Variants in STK33 observed in about 807,000 individuals in gnomAD.
STK33 encodes serine/threonine-protein kinase 33.
Under a neutral mutation model 58.0 loss-of-function variants are expected in STK33, and 52 were observed. The ratio of observed to expected loss-of-function variants is 0.90; its 90% CI spans 0.72 to 1.13. The LOEUF (loss-of-function observed/expected upper bound fraction) is 1.13. Ranked by LOEUF, STK33 falls within the 50% of genes most tolerant of loss-of-function variation. STK33 has a pLI of 0.00. For synonymous variants in STK33, 215 were observed against 200.1 expected (o/e 1.07, Z -0.63); for missense variants, 630 against 604.2 (o/e 1.04, Z -0.45).
chr11:8,401,841 C>A (rs563309635), intron 15 of STK33, among the ~76,000 whole-genome samples: 2 of 151,834 alleles, frequency 1.3e-5, no homozygotes, highest in Admixed American at 6.6e-5. Context: ...AAGACATTTA[C>A]GCAGCCAAAA....
chr11:8,447,402 A>G (rs1945638573), intron 11 of STK33, among the ~76,000 whole-genome samples: 1 of 152,176 alleles, frequency 6.6e-6, no homozygotes, highest in South Asian at 2.1e-4. Context: ...ATACTGGCAA[A>G]CCAAATCCAG....
chr11:8,520,948 A>G (rs2139813441), intron 1 of STK33, among the ~76,000 whole-genome samples: 1 of 151,880 alleles, frequency 6.6e-6, no homozygotes. Flanking sequence ...TAATAAATGA[A>G]ATGATTTCTA....
At chr11:8,398,518 T>C (rs1016150994) in intron 15 of STK33, among the ~76,000 whole-genome samples, 1 of 152,028 alleles carries the variant, frequency 6.6e-6, no homozygotes, top group Admixed American at 6.5e-5. Context: ...TGCCAAATTG[T>C]AAAGACCATC....
chr11:8,518,170 G>C lies in STK33; in HGVS notation c.-465-37556C>G, dbSNP rs556627391. Among the ~76,000 whole-genome samples, 914 of 152,310 alleles carry C rather than the reference G, an allele frequency of 6.0e-3. 11 individuals are homozygous for C. The highest frequency in any genetic ancestry group is 0.021 in the African/African-American group (871 of 41,558). Reference sequence around the variant, plus strand: ...GGCAGAAACTCTACAAGCCAGAAGAGAGTGGGGGCAAATATTCAACATTCT... The same window carrying C: ...GGCAGAAACTCTACAAGCCAGAAGACAGTGGGGGCAAATATTCAACATTCT... On this transcript the variant is annotated intron_variant, in intron 1 of 15. Transcript: ENST00000687296.
intron 1 of STK33, among the ~76,000 whole-genome samples, chr11:8,499,602 C>A (rs2139060583): frequency 6.6e-6 from 1 of 152,270 alleles, no homozygotes; most frequent in Non-Finnish European, 1.5e-5. Context: ...AATCACGCTA[C>A]TATAAAGACA....
chr11:8,476,437 C>A (rs1214202296), intron 4 of STK33, among the ~76,000 whole-genome samples: 1 of 152,138 alleles, frequency 6.6e-6, no homozygotes. Context: ...CCCAAATAAA[C>A]GTACTCTTCA....
chr11:8,517,295 A>G (rs576371376), intron 1 of STK33, among the ~76,000 whole-genome samples: 8 of 152,320 alleles, frequency 5.3e-5, no homozygotes, highest in African/African-American at 1.9e-4. Flanking sequence ...GAAAACTAAC[A>G]AACAGAAAGG....
At chr11:8,489,277 A>C (rs920825082) in intron 1 of STK33, among the ~76,000 whole-genome samples, 6 of 150,888 alleles carry the variant, frequency 4.0e-5, no homozygotes, top group African/African-American at 9.7e-5. Flanking sequence ...AAAAAGAAAA[A>C]AAAAAAGAAA....
the STK33 span, among the ~76,000 whole-genome samples, chr11:8,374,174 C>G: frequency 6.6e-6 from 1 of 152,296 alleles, no homozygotes; most frequent in African/African-American, 2.4e-5. Flanking sequence ...ATGCTTCTCT[C>G]TGTGCCACTG....
At chr11:8,440,990 G>C (rs1944673126) in intron 11 of STK33, among the ~76,000 whole-genome samples, 1 of 152,136 alleles carries the variant, frequency 6.6e-6, no homozygotes, top group African/African-American at 2.4e-5. Flanking sequence ...ATAACTAAAT[G>C]CACTACCCTT....
At chr11:8,425,980 T>C (rs1292859373) in intron 14 of STK33, among the ~76,000 whole-genome samples, 1 of 152,182 alleles carries the variant, frequency 6.6e-6, no homozygotes, top group Non-Finnish European at 1.5e-5. Context: ...GGGTGTGTGT[T>C]ACAGGGTGTT....
chr11:8,410,455 AT>A (rs1234296167), intron 15 of STK33, among the ~76,000 whole-genome samples: 1 of 129,714 alleles, frequency 7.7e-6, no homozygotes, highest in African/African-American at 2.9e-5. Context: ...GCAAAAATCT[AT>A]TTTCTTTTCT....
At chr11:8,365,668 G>A in the STK33 span, among the ~76,000 whole-genome samples, 358 of 152,116 alleles carry the variant, frequency 2.4e-3, no homozygotes, top group African/African-American at 8.2e-3. Context: ...CCCAGCTCCC[G>A]GCTGCAGGGC....
At chr11:8,393,213 T>C (rs948728428) in intron 15 of STK33, among the ~76,000 whole-genome samples, 6 of 152,226 alleles carry the variant, frequency 3.9e-5, no homozygotes, top group Non-Finnish European at 7.3e-5. Flanking sequence ...GGCAGGCCTG[T>C]AGACCTCTTT....
intron 14 of STK33, among the ~76,000 whole-genome samples, chr11:8,423,606 T>C (rs962573688): frequency 1.3e-5 from 2 of 152,114 alleles, no homozygotes; most frequent in Non-Finnish European, 2.9e-5. Context: ...GTTAACTTTA[T>C]TAAGGCTTCC....
intron 1 of STK33, among the ~76,000 whole-genome samples, chr11:8,519,911 G>C (rs1200302404): frequency 6.6e-6 from 1 of 152,068 alleles, no homozygotes; most frequent in Non-Finnish European, 1.5e-5. Context: ...TTCTACCAGA[G>C]GTACAAAGAG....
At chr11:8,435,466 G>A in intron 14 of STK33, 28 bp downstream of exon 14, 1 of 1,248,360 alleles carries the variant, frequency 8.0e-7, no homozygotes, top group Non-Finnish European at 1.1e-6. Context: ...TAGCATGTCA[G>A]AAAGAAAAAA....
In STK33 at chr11:8,566,214, C is replaced by T. The variant is rs376984275; in HGVS notation, c.-466+27869G>A. Among the ~76,000 whole-genome samples, 9 of 152,294 alleles carry T rather than the reference C, an allele frequency of 5.9e-5. No homozygotes were observed. The East Asian group carries it at 7.7e-4, about 13-fold the overall frequency. On this transcript the variant is annotated intron_variant, in intron 1 of 15. Transcript: ENST00000687296. ...ACTGCATTTACAAGCAAAGAAGTTA[C>T]CTCAAAATGCAGCTTCTAAATAGAC...
chr11:8,430,638 C>T (rs1333448514), intron 14 of STK33, among the ~76,000 whole-genome samples: 1 of 152,118 alleles, frequency 6.6e-6, no homozygotes, highest in Non-Finnish European at 1.5e-5. Context: ...TGTTGTAGTA[C>T]ATTTACATCC....
Sources: allele counts gnomAD v4.1 joint callset (sites outside exome capture counted in the v4.1 genomes callset), GRCh38; gene constraint gnomAD v4.1.1; transcripts MANE v1.5; gene names NCBI Gene and HGNC (gene_info 2026-07-23, HGNC 2026-07-21).